Variants in PTCHD4 observed in about 807,000 individuals in gnomAD.
PTCHD4 encodes the protein patched domain-containing protein 4.
A neutral mutation model predicts 58.1 loss-of-function variants in PTCHD4; 33 were observed. The ratio of observed to expected loss-of-function variants is 0.57; its 90% CI spans 0.43 to 0.76. PTCHD4 has a LOEUF of 0.76. PTCHD4 is among the 30% of genes least tolerant of loss of function. The pLI is 0.00. For synonymous variants in PTCHD4, 478 were observed against 409.6 expected, an observed-to-expected ratio of 1.17 and a Z score of -2.02; for missense variants, 1,058 against 1,027.1, an observed-to-expected ratio of 1.03 and a Z score of -0.41.
chr6:48,026,244 T>A (rs1400779052), intron 3 of PTCHD4, among the ~76,000 whole-genome samples: 1 of 152,174 alleles, frequency 6.6e-6, no homozygotes, highest in Admixed American at 6.6e-5. Flanking sequence ...GAAGTCTTTC[T>A]TCCTGGCTGG....
intron 3 of PTCHD4, among the ~76,000 whole-genome samples, chr6:48,039,910 T>G (rs1763784019): frequency 6.6e-6 from 1 of 152,066 alleles, no homozygotes; most frequent in Non-Finnish European, 1.5e-5. Context: ...TCCTGGCCAG[T>G]TCTTCTCAGA....
At chr6:47,970,551 G>T (rs12529253) in intron 4 of PTCHD4, among the ~76,000 whole-genome samples, 5 of 152,144 alleles carry the variant, frequency 3.3e-5, no homozygotes, top group Non-Finnish European at 7.3e-5. Flanking sequence ...CCATGGGTAG[G>T]ATGAGGTTTC....
rs116568667 is a variant in PTCHD4 at position 47,905,379 on chromosome 6, C to T, written c.899-25443G>A. On this transcript the variant is annotated intron_variant, in intron 4 of 4. Coordinates refer to ENST00000339488, the MANE Select transcript of PTCHD4 (RefSeq NM_001384253.1). ...CTTAGTAGAGAGATGATGATGGTGGCTTAGACTAAGTTGGGTCTATGGTTT... is the reference window on the plus strand; with the variant it reads ...CTTAGTAGAGAGATGATGATGGTGGTTTAGACTAAGTTGGGTCTATGGTTT... 7.1e-3 allele frequency among the ~76,000 whole-genome samples: 1,081 copies of T among 152,208 alleles called. 8 individuals are homozygous for T. Among genetic ancestry groups the T allele is most frequent in the African/African-American group, 0.025 (1,031 of 41,534 alleles).
rs138965051 is a variant in PTCHD4, at chr6:47,876,866, A to T, written c.*1437T>A. Among the ~76,000 whole-genome samples, 1 of 152,022 alleles carries T rather than the reference A, an allele frequency of 6.6e-6. No individual in the cohort carries two copies. The highest frequency in any genetic ancestry group is 1.5e-5 in the Non-Finnish European group (1 of 67,970). ...TTAACTTAATGAAAACATTTACCTCAGTACTTTTGTTTGAGAAAGAATTCA... is the reference window on the plus strand; with the variant it reads ...TTAACTTAATGAAAACATTTACCTCTGTACTTTTGTTTGAGAAAGAATTCA... On this transcript the variant is annotated 3_prime_UTR_variant, in exon 5 of 5. Coordinates refer to ENST00000339488, the MANE Select transcript of PTCHD4 (RefSeq NM_001384253.1).
At chr6:47,903,562 G>T (rs1231983247) in intron 4 of PTCHD4, among the ~76,000 whole-genome samples, 2 of 152,092 alleles carry the variant, frequency 1.3e-5, no homozygotes, top group Admixed American at 6.6e-5. Flanking sequence ...CGATCTGGCT[G>T]CCTTGGCCTC....
chr6:47,991,062 CAA>C (rs141631207), intron 4 of PTCHD4, among the ~76,000 whole-genome samples: 18,433 of 151,292 alleles, frequency 0.12, 1,442 homozygotes, highest in South Asian at 0.2. Context: ...GATTGGAGGA[CAA>C]GAGGGAAGGG....
Position 47,857,787 on chromosome 6 carries a change from G to A in PTCHD4, c.*20516C>T, listed in dbSNP as rs892576987. ...AAGATGACACTACATTGAGCACACA[G>A]GTATTAAACATACAAATGATTGGCA... is the stretch of plus-strand genomic sequence containing the variant. On this transcript the variant is annotated 3_prime_UTR_variant, in exon 5 of 5. Transcript: ENST00000339488. Among the ~76,000 whole-genome samples, 1 of 151,808 alleles carries A rather than the reference G, an allele frequency of 6.6e-6. No homozygotes were observed. Among genetic ancestry groups the A allele is most frequent in the Non-Finnish European group, 1.5e-5 (1 of 67,922 alleles).
At chr6:48,056,872 G>A (rs1172459550) in intron 3 of PTCHD4, among the ~76,000 whole-genome samples, 4 of 152,196 alleles carry the variant, frequency 2.6e-5, no homozygotes, top group East Asian at 1.9e-4. Context: ...GTCTCCAGAT[G>A]TGATTCTGCA....
intron 4 of PTCHD4, among the ~76,000 whole-genome samples, chr6:47,978,699 G>A (rs977034818): frequency 1.3e-5 from 2 of 152,104 alleles, no homozygotes; most frequent in African/African-American, 4.8e-5. Flanking sequence ...CTATCCCAGT[G>A]ATGGTTAAGC....
At chr6:47,899,608 CG>C in intron 4 of PTCHD4, 1 of 978,236 alleles carries the variant, frequency 1.0e-6, no homozygotes, top group Non-Finnish European at 1.2e-6. Context: ...GAACCCCTTC[CG>C]TTTGTTTTTA....
Position 47,984,870 on chromosome 6 carries a change from A to G in PTCHD4, c.898+23764T>C, listed in dbSNP as rs556258969. 1.8e-4 allele frequency among the ~76,000 whole-genome samples: 28 copies of G among 152,242 alleles called. No individual in the cohort carries two copies. In the South Asian group the frequency reaches 5.4e-3, roughly 29 times the overall value. On this transcript the variant is annotated intron_variant, in intron 4 of 4. Transcript: ENST00000339488. ...GAGAAATCCAAAGGTACAAAAAGCA[A>G]TTAGGTAGTTTATAAGTCAAGATTT... is the stretch of plus-strand genomic sequence containing the variant.
chr6:48,003,854 C>T (rs1202019412), intron 4 of PTCHD4, among the ~76,000 whole-genome samples: 1 of 152,162 alleles, frequency 6.6e-6, no homozygotes, highest in African/African-American at 2.4e-5. Context: ...AAGCAAGGTC[C>T]TATATTAAAG....
intron 4 of PTCHD4, among the ~76,000 whole-genome samples, chr6:47,881,485 G>A (rs1460469634): frequency 6.6e-6 from 1 of 152,144 alleles, no homozygotes; most frequent in Non-Finnish European, 1.5e-5. Context: ...GTATAATGAA[G>A]CCACTGGGAT....
chr6:48,031,401 C>T (rs1763433744), intron 3 of PTCHD4, among the ~76,000 whole-genome samples: 1 of 152,114 alleles, frequency 6.6e-6, no homozygotes, highest in African/African-American at 2.4e-5. Context: ...AATCTCTCTC[C>T]CCTGCTGCAA....
chr6:48,097,962 G>T (rs958329686), intron 1 of PTCHD4, among the ~76,000 whole-genome samples: 2 of 152,144 alleles, frequency 1.3e-5, no homozygotes, highest in Admixed American at 6.5e-5. Flanking sequence ...AGAAAGCAGA[G>T]ACTAGGTCGC....
intron 4 of PTCHD4, among the ~76,000 whole-genome samples, chr6:47,916,321 G>A (rs7755206): frequency 0.57 from 86,032 of 151,578 alleles, 25,661 homozygotes; most frequent in East Asian, 0.78. Flanking sequence ...GCCAAATGAG[G>A]TCATAGCCCA....
At chr6:47,976,933 G>A (rs539156583) in intron 4 of PTCHD4, among the ~76,000 whole-genome samples, 10 of 152,066 alleles carry the variant, frequency 6.6e-5, no homozygotes, top group Middle Eastern at 3.2e-3. Context: ...TGAGGAAATA[G>A]ACACTGTCAT....
chr6:48,067,407 A>AT (rs1257744468), intron 3 of PTCHD4, among the ~76,000 whole-genome samples: 2 of 151,926 alleles, frequency 1.3e-5, no homozygotes, highest in Non-Finnish European at 1.5e-5. Flanking sequence ...CTCATTTGGA[A>AT]TTTTTTATGG....
In PTCHD4 at chr6:47,929,854, C is replaced by A. The variant is rs112218099; in HGVS notation, c.899-49918G>T. Among the ~76,000 whole-genome samples, 786 of 152,326 alleles carry A rather than the reference C, an allele frequency of 5.2e-3. 7 individuals are homozygous for A. The highest frequency in any genetic ancestry group is 0.017 in the African/African-American group (726 of 41,572). Reference sequence around the variant, plus strand: ...CTGGCCCCTTTCACTTTTCATTTCACCCTGGTGGGAGCATTCTACGCCCCT... The same window carrying A: ...CTGGCCCCTTTCACTTTTCATTTCAACCTGGTGGGAGCATTCTACGCCCCT... On this transcript the variant is annotated intron_variant, in intron 4 of 4. Transcript: ENST00000339488.
Sources: allele counts gnomAD v4.1 joint callset (sites outside exome capture counted in the v4.1 genomes callset), GRCh38; gene constraint gnomAD v4.1.1; transcripts MANE v1.5; gene names NCBI Gene and HGNC (gene_info 2026-07-23, HGNC 2026-07-21).